ASIC2: variants seen among roughly 807,000 people sequenced by gnomAD.
The protein encoded by ASIC2 is acid sensing ion channel subunit 2, also known as acid-sensing ion channel 2.
In ASIC2, 25 loss-of-function variants were observed where a neutral mutation model predicts 57.3. The ratio of observed to expected loss-of-function variants is 0.44; its 90% CI spans 0.32 to 0.61. ASIC2 has a LOEUF of 0.61. Ranked by LOEUF, ASIC2 falls within the 20% of genes least tolerant of loss-of-function variation. The pLI is 0.06. For missense variants in ASIC2, 641 were observed against 738.1 expected (o/e 0.87, Z 1.52); for synonymous variants, 319 against 307.5 (o/e 1.04, Z -0.39).
chr17:33,975,808 C>T (rs965992963), intron 1 of ASIC2, among the ~76,000 whole-genome samples: 9 of 152,092 alleles, frequency 5.9e-5, no homozygotes, highest in African/African-American at 2.2e-4. Flanking sequence ...CCTCTTCTTT[C>T]CCTGTTCATT....
chr17:33,220,444 C>T (rs1907647929), intron 1 of ASIC2, among the ~76,000 whole-genome samples: 1 of 152,164 alleles, frequency 6.6e-6, no homozygotes, highest in African/African-American at 2.4e-5. Flanking sequence ...CGTGGTTTCC[C>T]GCCCCTTGGG....
intron 1 of ASIC2, among the ~76,000 whole-genome samples, chr17:34,062,842 G>T (rs1909020053): frequency 6.6e-6 from 1 of 152,074 alleles, no homozygotes. Flanking sequence ...ACCCTGAACA[G>T]ATCAAAACCA....
chr17:33,658,556 C>T (rs1177941521), intron 1 of ASIC2, among the ~76,000 whole-genome samples: 1 of 152,166 alleles, frequency 6.6e-6, no homozygotes, highest in Non-Finnish European at 1.5e-5. Flanking sequence ...AAGACCAGGG[C>T]ACTGGCAGAT....
chr17:33,570,169 C>T (rs1490216525), intron 1 of ASIC2, among the ~76,000 whole-genome samples: 5 of 152,210 alleles, frequency 3.3e-5, no homozygotes, highest in African/African-American at 1.2e-4. Context: ...CTGACTCACC[C>T]TTTGGGTTTT....
At chr17:33,256,758 G>A (rs1055362909) in intron 1 of ASIC2, among the ~76,000 whole-genome samples, 1 of 152,152 alleles carries the variant, frequency 6.6e-6, no homozygotes, top group Non-Finnish European at 1.5e-5. Context: ...CTTGAACCTG[G>A]GAGGCAGAGG....
intron 1 of ASIC2, among the ~76,000 whole-genome samples, chr17:33,478,798 G>A (rs1397879079): frequency 1.3e-5 from 2 of 152,156 alleles, no homozygotes; most frequent in African/African-American, 4.8e-5. Flanking sequence ...TGTGGAGAGA[G>A]ATCAGGATTA....
intron 1 of ASIC2, among the ~76,000 whole-genome samples, chr17:33,661,126 C>T (rs562582341): frequency 6.6e-6 from 1 of 152,286 alleles, no homozygotes; most frequent in South Asian, 2.1e-4. Flanking sequence ...CCGCTGCTGT[C>T]TTACACAGCC....
intron 1 of ASIC2, among the ~76,000 whole-genome samples, chr17:33,583,741 C>A (rs1429579580): frequency 6.6e-6 from 1 of 152,176 alleles, no homozygotes; most frequent in Non-Finnish European, 1.5e-5. Context: ...ACCGAACATA[C>A]CAATGTTCAA....
intron 1 of ASIC2, among the ~76,000 whole-genome samples, chr17:33,214,131 A>C (rs1778838819): frequency 6.6e-6 from 1 of 152,112 alleles, no homozygotes; most frequent in Non-Finnish European, 1.5e-5. Flanking sequence ...AAATGGCAAA[A>C]AGCCTGCTAT....
intron 1 of ASIC2, among the ~76,000 whole-genome samples, chr17:33,174,177 T>G (rs1597615737): frequency 6.6e-6 from 1 of 152,234 alleles, no homozygotes; most frequent in African/African-American, 2.4e-5. Context: ...ATCCCAGCAC[T>G]TTGCGAGGCC....
intron 1 of ASIC2, among the ~76,000 whole-genome samples, chr17:33,715,347 C>T (rs1909186848): frequency 6.6e-6 from 1 of 151,982 alleles, no homozygotes; most frequent in South Asian, 2.1e-4. Context: ...GAAATAAGGC[C>T]CTGATTTGTA....
intron 1 of ASIC2, among the ~76,000 whole-genome samples, chr17:33,721,663 G>T (rs1265997933): frequency 6.6e-6 from 1 of 152,200 alleles, no homozygotes; most frequent in Non-Finnish European, 1.5e-5. Context: ...CTGGATTACA[G>T]GCATGTGCCA....
chr17:34,023,549 C>G (rs538810205), intron 1 of ASIC2, among the ~76,000 whole-genome samples: 2 of 152,262 alleles, frequency 1.3e-5, no homozygotes, highest in Non-Finnish European at 2.9e-5. Flanking sequence ...GTTGCTTTGT[C>G]CATGAGAGCC....
chr17:34,095,607 TTATATATATATATATATA>T (rs3071169), intron 1 of ASIC2, among the ~76,000 whole-genome samples: 1 of 96,148 alleles, frequency 1.0e-5, no homozygotes, highest in African/African-American at 5.7e-5. Flanking sequence ...CAGGCAAATT[TTATATATATATATATATA>T]TATAATTTTA....
At chr17:33,582,571 A>C (rs1417646956) in intron 1 of ASIC2, among the ~76,000 whole-genome samples, 2 of 152,234 alleles carry the variant, frequency 1.3e-5, no homozygotes, top group South Asian at 2.1e-4. Context: ...GGATAGTAAC[A>C]GTAACTACCT....
At chr17:33,122,483 C>T (rs1335120061) in intron 1 of ASIC2, among the ~76,000 whole-genome samples, 2 of 152,084 alleles carry the variant, frequency 1.3e-5, no homozygotes, top group African/African-American at 4.8e-5. Flanking sequence ...TTTCTGGGCT[C>T]ATGGTTCCTG....
At chr17:33,511,690 A>T (rs1914435735) in intron 1 of ASIC2, among the ~76,000 whole-genome samples, 1 of 152,086 alleles carries the variant, frequency 6.6e-6, no homozygotes, top group South Asian at 2.1e-4. Flanking sequence ...CCTTATTCAT[A>T]CTCACTCTAC....
At chr17:33,188,467 G>A (rs540337953) in intron 1 of ASIC2, among the ~76,000 whole-genome samples, 1 of 152,120 alleles carries the variant, frequency 6.6e-6, no homozygotes, top group South Asian at 2.1e-4. Context: ...AGAAATCAAT[G>A]AACTGCAAAT....
chr17:33,139,024 C>A (rs1233537214), intron 1 of ASIC2, among the ~76,000 whole-genome samples: 1 of 152,028 alleles, frequency 6.6e-6, no homozygotes, highest in African/African-American at 2.4e-5. Flanking sequence ...CATGTCTGGG[C>A]CTCATTTTCC....
Sources: allele counts gnomAD v4.1 joint callset (sites outside exome capture counted in the v4.1 genomes callset), GRCh38; gene constraint gnomAD v4.1.1; transcripts MANE v1.5; gene names NCBI Gene and HGNC (gene_info 2026-07-23, HGNC 2026-07-21).